The following GRM1 variants were observed in gnomAD, a reference collection of about 807,000 sequenced individuals.
GRM1 encodes the protein glutamate metabotropic receptor 1.
In GRM1, 33 loss-of-function variants were observed where a neutral mutation model predicts 90.9. That is an observed-to-expected ratio of 0.36 (90% CI 0.28 to 0.49). The LOEUF is 0.49. Ranked by LOEUF, GRM1 falls within the 20% of genes least tolerant of loss-of-function variation. The pLI is 0.99. For missense variants in GRM1, 1,190 were observed against 1,534.3 expected (o/e 0.78, Z 3.75); for synonymous variants, 700 against 613.2 (o/e 1.14, Z -2.09).
chr6:146,412,148 C>T (rs1275176785), intron 7 of GRM1, among the ~76,000 whole-genome samples: 1 of 152,184 alleles, frequency 6.6e-6, no homozygotes, highest in Non-Finnish European at 1.5e-5. Flanking sequence ...ATATATGTTG[C>T]AGCATTGTCA....
chr6:146,383,255 C>T (rs776188657), intron 5 of GRM1, among the ~76,000 whole-genome samples: 4 of 152,092 alleles, frequency 2.6e-5, no homozygotes, highest in Non-Finnish European at 4.4e-5. Flanking sequence ...AAACACCTTC[C>T]ATGTACTAGT....
chr6:146,313,770 T>C (rs1296947432), intron 3 of GRM1, among the ~76,000 whole-genome samples: 1 of 152,170 alleles, frequency 6.6e-6, no homozygotes, highest in African/African-American at 2.4e-5. Flanking sequence ...TGTATGTATA[T>C]GCCCAAGAAA....
chr6:146,170,672 T>C (rs1778085306), intron 2 of GRM1, among the ~76,000 whole-genome samples: 1 of 152,140 alleles, frequency 6.6e-6, no homozygotes, highest in African/African-American at 2.4e-5. Flanking sequence ...GACACTGTCA[T>C]TATATCCTTT....
intron 2 of GRM1, among the ~76,000 whole-genome samples, chr6:146,193,072 C>T (rs886729344): frequency 6.6e-6 from 1 of 152,004 alleles, no homozygotes; most frequent in African/African-American, 2.4e-5. Context: ...ATGGATTTGC[C>T]ATTTTCTGAG....
chr6:146,058,632 C>T lies in GRM1; in HGVS notation c.700+28415C>T, dbSNP rs576153133. Among the ~76,000 whole-genome samples, 4 of 152,178 alleles carry T rather than the reference C, an allele frequency of 2.6e-5. No homozygotes were observed. In the East Asian group the frequency reaches 5.8e-4, roughly 22 times the overall value. ...ATAAAGTTTGCCACATCAATTGATT[C>T]GTCTTTTCATTAACGACTTCTCTGT... is the stretch of plus-strand genomic sequence containing the variant. On this transcript the variant is annotated intron_variant, in intron 1 of 7. Transcript: ENST00000282753.
chr6:146,418,622 AATTT>A (rs757084839), intron 7 of GRM1, among the ~76,000 whole-genome samples: 12 of 151,706 alleles, frequency 7.9e-5, no homozygotes, highest in Non-Finnish European at 1.6e-4. Context: ...TTTTATAATT[AATTT>A]AAGAATTTAT....
intron 1 of GRM1, among the ~76,000 whole-genome samples, chr6:146,033,492 A>G (rs1024721340): frequency 3.9e-5 from 6 of 152,194 alleles, no homozygotes; most frequent in African/African-American, 1.4e-4. Context: ...GTATGTAGCT[A>G]CAAGAATTTT....
At chr6:146,192,809 A>G (rs759209289) in intron 2 of GRM1, among the ~76,000 whole-genome samples, 3 of 152,238 alleles carry the variant, frequency 2.0e-5, no homozygotes, top group Non-Finnish European at 4.4e-5. Context: ...AGTTATACAT[A>G]TGGTCTGACT....
chr6:146,075,466 G>A (rs1259455505), intron 1 of GRM1, among the ~76,000 whole-genome samples: 1 of 152,164 alleles, frequency 6.6e-6, no homozygotes, highest in Non-Finnish European at 1.5e-5. Flanking sequence ...AATGCTGTGA[G>A]ACTACAGAGC....
At chr6:146,252,739 G>A (rs1781340904) in intron 2 of GRM1, among the ~76,000 whole-genome samples, 1 of 152,068 alleles carries the variant, frequency 6.6e-6, no homozygotes, top group South Asian at 2.1e-4. Context: ...AAACTATATG[G>A]TGCATTTAGA....
chr6:146,315,170 C>G (rs899559364), intron 3 of GRM1, among the ~76,000 whole-genome samples: 3 of 152,076 alleles, frequency 2.0e-5, no homozygotes, highest in Admixed American at 6.6e-5. Context: ...GGAACTACTG[C>G]AAGACCCTGT....
intron 1 of GRM1, among the ~76,000 whole-genome samples, chr6:146,129,209 A>G (rs1272315077): frequency 6.6e-6 from 1 of 152,192 alleles, no homozygotes; most frequent in African/African-American, 2.4e-5. Context: ...AAATAGCAAT[A>G]TATGTGTAGT....
At chr6:146,027,829 G>T (rs372784847), upstream of GRM1, 1 of 152,266 alleles carries the variant, frequency 6.6e-6, no homozygotes, top group East Asian at 1.9e-4. Flanking sequence ...ACAGACTCAG[G>T]TGAGCGGACA....
intron 1 of GRM1, among the ~76,000 whole-genome samples, chr6:146,122,839 C>CTTT (rs57859188): frequency 3.4e-4 from 21 of 62,216 alleles, no homozygotes; most frequent in African/African-American, 7.3e-4. Context: ...TCTTTTCTTT[C>CTTT]TTTTTTTTTT....
chr6:146,194,576 A>G (rs1003470157), intron 2 of GRM1, among the ~76,000 whole-genome samples: 5 of 152,172 alleles, frequency 3.3e-5, no homozygotes, highest in African/African-American at 1.2e-4. Flanking sequence ...CACTCCCACT[A>G]TTTGACTCCC....
chr6:146,129,306 A>T (rs1776304537), intron 1 of GRM1, among the ~76,000 whole-genome samples: 1 of 152,226 alleles, frequency 6.6e-6, no homozygotes, highest in Admixed American at 6.5e-5. Flanking sequence ...GACTGGTTTC[A>T]GAGTAGCAGG....
chr6:146,407,235 C>A (rs1011717412), intron 7 of GRM1, among the ~76,000 whole-genome samples: 1 of 152,130 alleles, frequency 6.6e-6, no homozygotes. Flanking sequence ...AAGGAAGGGG[C>A]GAATGGCCCC....
intron 2 of GRM1, among the ~76,000 whole-genome samples, chr6:146,289,456 A>C (rs571999695): frequency 6.6e-6 from 1 of 152,360 alleles, no homozygotes; most frequent in South Asian, 2.1e-4. Flanking sequence ...TGAAAGAGTC[A>C]GACAATTTTT....
At chr6:146,427,133 C>G (rs948742917) in intron 7 of GRM1, among the ~76,000 whole-genome samples, 2 of 152,120 alleles carry the variant, frequency 1.3e-5, no homozygotes, top group Admixed American at 6.5e-5. Context: ...TGAGCCTCTG[C>G]TGGGTGCCTC....
Sources: allele counts gnomAD v4.1 joint callset (sites outside exome capture counted in the v4.1 genomes callset), GRCh38; gene constraint gnomAD v4.1.1; transcripts MANE v1.5; gene names NCBI Gene and HGNC (gene_info 2026-07-23, HGNC 2026-07-21).